The following ATP6V1B1 variants were observed in gnomAD, a reference collection of about 807,000 sequenced individuals.
ATP6V1B1 encodes the protein V-type proton ATPase subunit B, kidney isoform.
In ATP6V1B1, 41 loss-of-function variants were observed where a neutral mutation model predicts 62.1. The observed-to-expected ratio is 0.66, with a 90% CI of 0.51 to 0.86. The LOEUF is 0.86. ATP6V1B1 is among the 40% of genes least tolerant of loss of function. The probability of loss-of-function intolerance (pLI) is 0.00; values close to 1 mark genes in which losing one functional copy is unlikely to be tolerated. For missense variants in ATP6V1B1, 651 were observed against 697.5 expected (o/e 0.93, Z 0.75); for synonymous variants, 253 against 273.4 (o/e 0.93, Z 0.74).
At chr2:70,948,893 C>G (rs1253433527) in intron 2 of ATP6V1B1, among the ~76,000 whole-genome samples, 1 of 152,158 alleles carries the variant, frequency 6.6e-6, no homozygotes, top group African/African-American at 2.4e-5. Context: ...CCTACTTGGT[C>G]ACACCTTGCT....
At chr2:70,949,120 C>A (rs1007208402) in intron 2 of ATP6V1B1, among the ~76,000 whole-genome samples, 1 of 152,226 alleles carries the variant, frequency 6.6e-6, no homozygotes, top group Non-Finnish European at 1.5e-5. Flanking sequence ...CTGCCCCTAA[C>A]CGCTTTATTC....
At chr2:70,942,427 C>A (rs1199648137) in intron 1 of ATP6V1B1, 9 of 398,504 alleles carry the variant, frequency 2.3e-5, no homozygotes, top group Non-Finnish European at 4.4e-6. Flanking sequence ...TCTTCCTAGT[C>A]CAAGTCCTGG....
intron 8 of ATP6V1B1, among the ~76,000 whole-genome samples, chr2:70,962,409 G>A (rs910351089): frequency 2.0e-5 from 3 of 152,080 alleles, no homozygotes. Context: ...GCTAAAGCAG[G>A]TGCCCCCAAC....
intron 1 of ATP6V1B1, chr2:70,940,907 C>CTTTCTTTTTTTTTTTTTTTTTTTTTTT (rs1679984525): frequency 1.5e-6 from 1 of 685,730 alleles, no homozygotes; most frequent in East Asian, 1.7e-4. Flanking sequence ...TTTTCTTTTT[C>CTTTCTTTTTTTTTTTTTTTTTTTTTTT]TTTTTCTTTT....
intron 2 of ATP6V1B1, among the ~76,000 whole-genome samples, chr2:70,952,356 G>C (rs1251456000): frequency 6.6e-6 from 1 of 151,988 alleles, no homozygotes; most frequent in Non-Finnish European, 1.5e-5. Flanking sequence ...CCAGCTACTT[G>C]AGAGGCTGAA....
chr2:70,938,953 G>A (rs782302102), intron 1 of ATP6V1B1, among the ~76,000 whole-genome samples: 1 of 152,266 alleles, frequency 6.6e-6, no homozygotes, highest in Admixed American at 6.5e-5. Context: ...GGAAGGGGAA[G>A]GAGTTACACG....
At position 70,938,420 on chromosome 2, in the gene ATP6V1B1, C is replaced by G. The variant is rs112436814; in HGVS notation, c.118+2348C>G. 1.0e-3 allele frequency: 453 copies of G among 449,690 alleles called. 1 individual carries two copies. The highest frequency in any genetic ancestry group is 1.3e-3 in the Non-Finnish European group (442 of 340,516). The allele number at this position is 449,690 out of a possible 1,614,324, so 27.9% of individuals were successfully genotyped here. On this transcript the variant is annotated intron_variant, in intron 1 of 13. Transcript: ENST00000234396. ...TCCTACCCTGGGTCTGTAAGCACTCCCAGACAGGAGAACTCTGGGAGAAAA... is the reference window on the plus strand; with the variant it reads ...TCCTACCCTGGGTCTGTAAGCACTCGCAGACAGGAGAACTCTGGGAGAAAA...
At chr2:70,955,392 A>G (rs1680411533) in intron 2 of ATP6V1B1, among the ~76,000 whole-genome samples, 1 of 152,208 alleles carries the variant, frequency 6.6e-6, no homozygotes, top group Non-Finnish European at 1.5e-5. Flanking sequence ...CTTTTAGTAT[A>G]TTCACAGTTA....
At chr2:70,937,395 G>T (rs1679882715) in intron 1 of ATP6V1B1, among the ~76,000 whole-genome samples, 1 of 152,140 alleles carries the variant, frequency 6.6e-6, no homozygotes, top group Admixed American at 6.5e-5. Context: ...GGTGCTGAGG[G>T]TGGAGCACAT....
chr2:70,939,566 G>C (rs1553416088), intron 1 of ATP6V1B1: 1 of 152,302 alleles, frequency 6.6e-6, no homozygotes, highest in Non-Finnish European at 1.5e-5. Context: ...CACGGAGGTA[G>C]GGGCGGCAGT....
At chr2:70,957,272 G>C (rs1432866508) in intron 2 of ATP6V1B1, among the ~76,000 whole-genome samples, 3 of 135,640 alleles carry the variant, frequency 2.2e-5, no homozygotes, top group Non-Finnish European at 3.2e-5. Context: ...TATATATATA[G>C]CATTTTCAGT....
intron 2 of ATP6V1B1, among the ~76,000 whole-genome samples, chr2:70,951,626 G>A (rs1187616461): frequency 3.3e-5 from 5 of 152,074 alleles, no homozygotes; most frequent in Non-Finnish European, 7.4e-5. Context: ...TAGAACACTC[G>A]GCCAGGCGCG....
rs189586305 is a variant in ATP6V1B1, at chr2:70,940,786, G to T, written c.119-2872G>T. On this transcript the variant is annotated intron_variant, in intron 1 of 13. Transcript: ENST00000234396. ...TTGGTTTGGAGGCTTGGGAAGGTCG[G>T]GAGGGGGCACACAATGGTTCTGATG... The T allele has an allele frequency of 6.0e-5, 59 of 985,530 alleles. No individual in the cohort carries two copies. The African/African-American group carries it at 9.9e-4, about 17-fold the overall frequency. The allele number at this position is 985,530 out of a possible 1,614,324, so 61.0% of individuals were successfully genotyped here. A position where few individuals can be genotyped will look rare whatever the true frequency, so the allele number is the denominator to read the frequency against.
Position 70,963,178 on chromosome 2 carries a change from A to G in ATP6V1B1, c.926A>G (p.Glu309Gly), listed in dbSNP as rs201556073. The change falls in exon 10 of 14, where the codon GAG becomes GGG. Residue 309 changes from glutamate (E) to glycine (G), a missense_variant. Transcript: ENST00000234396. The surrounding 1 kb of genome is among the most constrained non-coding windows in gnomAD (Gnocchi z 4.3). ...EALREVSAAR[E>G]EVPGRRGFPG... is the part of the protein sequence containing the mutation. ...ATATTGCAGGTCTCTGCTGCTAGAG[A>G]GGAGGTGCCTGGGCGCCGAGGGTTT... 230 of 1,613,954 alleles carry G rather than the reference A, an allele frequency of 1.4e-4. 1 individual carries two copies. The East Asian group carries it at 4.9e-3, about 35-fold the overall frequency.
intron 1 of ATP6V1B1, among the ~76,000 whole-genome samples, chr2:70,938,040 G>C (rs919774192): frequency 1.3e-5 from 2 of 152,104 alleles, no homozygotes; most frequent in Non-Finnish European, 2.9e-5. Flanking sequence ...GTCAGTGCAG[G>C]GGAGCCCCTC....
rs879967148 is a variant in ATP6V1B1, at chr2:70,935,983, G to C, written c.29G>C (p.Gly10Ala). 6.2e-7 allele frequency: 1 copy of C among 1,613,830 alleles called. No individual in the cohort carries two copies. The highest frequency in any genetic ancestry group is 8.5e-7 in the Non-Finnish European group (1 of 1,179,910). MAMEIDSRP[G>A]GLPGSSCNLG... is the part of the protein sequence containing the mutation. ...GCCATGGAGATAGACAGCAGGCCTG[G>C]GGGGCTCCCCGGCAGTAGCTGCAAC... The change falls in exon 1 of 14, where the codon GGG (glycine) becomes GCG (alanine). Residue 10 changes from glycine (G) to alanine (A), a missense_variant. Coordinates refer to ENST00000234396, the MANE Select transcript of ATP6V1B1 (RefSeq NM_001692.4).
Position 70,959,809 on chromosome 2 carries a change from G to A in ATP6V1B1, c.446-130G>A, listed in dbSNP as rs1433813572. Reference sequence around the variant, plus strand: ...ATCTAGGGCTACATCAGGCAGCACGGCCAGAGCACGTTTCTATCATCACAG... The same window carrying A: ...ATCTAGGGCTACATCAGGCAGCACGACCAGAGCACGTTTCTATCATCACAG... On this transcript the variant is annotated intron_variant, in intron 5 of 13. Coordinates refer to ENST00000234396, the MANE Select transcript of ATP6V1B1 (RefSeq NM_001692.4). The surrounding 1 kb of genome is among the most constrained non-coding windows in gnomAD (Gnocchi z 4.2). 2 of 1,393,754 alleles carry A rather than the reference G, an allele frequency of 1.4e-6. No individual in the cohort carries two copies. Among genetic ancestry groups the A allele is most frequent in the African/African-American group, 1.4e-5 (1 of 70,234 alleles). 86.3% of individuals were successfully genotyped at this position (1,393,754 alleles called of 1,614,324 possible). A position where few individuals can be genotyped will look rare whatever the true frequency, so the allele number is the denominator to read the frequency against.
Position 70,964,439 on chromosome 2 carries a change from T to A in ATP6V1B1, c.1145T>A (p.Ile382Asn). Residue 382 changes from isoleucine (I) to asparagine (N), a missense_variant and splice_region_variant, in exon 12 of 14, where the codon ATC becomes AAC. Physicochemically the swap from Ile to Asn is moderately radical, Grantham distance 149. Transcript: ENST00000234396. ...CACTCCCTTTTTCTTCTCCCTCAGA[T>A]CTACCCCCCCATCAACGTGCTCCCT... ...YVDRQLHNRQ[I>N]YPPINVLPSL... is the part of the protein sequence containing the mutation. 1 of 1,614,056 alleles carries A rather than the reference T, an allele frequency of 6.2e-7. No homozygotes were observed. The highest frequency in any genetic ancestry group is 8.5e-7 in the Non-Finnish European group (1 of 1,180,004).
intron 1 of ATP6V1B1, 90 bp from the exon 2 acceptor site, chr2:70,943,567 TG>T: frequency 1.5e-6 from 2 of 1,337,374 alleles, no homozygotes; most frequent in African/African-American, 2.9e-5. Flanking sequence ...AGGTGGGGTG[TG>T]GAGAGAGGAA....
Sources: allele counts gnomAD v4.1 joint callset (sites outside exome capture counted in the v4.1 genomes callset), GRCh38; gene constraint gnomAD v4.1.1; non-coding constraint Gnocchi (gnomAD v3.1); transcripts MANE v1.5; gene names NCBI Gene and HGNC (gene_info 2026-07-23, HGNC 2026-07-21).